The following LAMA5 variants were observed in gnomAD, a reference collection of about 807,000 sequenced individuals.
LAMA5 encodes laminin subunit alpha-5.
A neutral mutation model predicts 433.4 loss-of-function variants in LAMA5; 260 were observed. The ratio of observed to expected loss-of-function variants is 0.60; its 90% CI spans 0.54 to 0.66. The LOEUF (loss-of-function observed/expected upper bound fraction) is 0.66, where lower values mean the gene tolerates loss of function less well. LAMA5 is among the 30% of genes least tolerant of loss of function. The pLI is 0.00. For synonymous variants in LAMA5, 2,620 were observed against 2,226.6 expected, an observed-to-expected ratio of 1.18 and a Z score of -4.97; for missense variants, 5,378 against 5,258.5, an observed-to-expected ratio of 1.02 and a Z score of -0.70.
chr20:62,336,844 G>T, intron 16 of LAMA5, 58 bp from the exon 17 acceptor site: 1 of 1,568,472 alleles, frequency 6.4e-7, no homozygotes, highest in South Asian at 1.1e-5. Flanking sequence ...GAAGGCCAAG[G>T]GTGTCCCAGG....
chr20:62,320,761 T>C lies in LAMA5; in HGVS notation c.6626A>G (p.Asn2209Ser). The change falls in exon 49 of 80, where the codon AAC (asparagine) becomes AGC (serine). Residue 2209 changes from asparagine to serine, a missense_variant. Physicochemically the swap from Asn to Ser is conservative, Grantham distance 46. Coordinates refer to ENST00000252999, the MANE Select transcript of LAMA5 (RefSeq NM_005560.6). ...TACCTGCAGGTCAGCGATGGAGGCGTTCAGCCTGTGCAGACGGGCCCAGGC... is the reference window on the plus strand; with the variant it reads ...TACCTGCAGGTCAGCGATGGAGGCGCTCAGCCTGTGCAGACGGGCCCAGGC... Reference protein sequence around the residue: ...SMAWARLHRLNASIADLQSQL... With the variant: ...SMAWARLHRLSASIADLQSQL... 1 of 1,612,606 alleles carries C rather than the reference T, an allele frequency of 6.2e-7. No individual in the cohort carries two copies. Among genetic ancestry groups the C allele is most frequent in the Non-Finnish European group, 8.5e-7 (1 of 1,179,892 alleles).
rs373306017 is a variant in LAMA5 at position 62,310,315 on chromosome 20, C to T, written c.10601-4G>A. The T allele has an allele frequency of 4.1e-5, 65 of 1,596,326 alleles. No homozygotes were observed. Among genetic ancestry groups the T allele is most frequent in the Admixed American group, 5.1e-5 (3 of 58,940 alleles). Reference sequence around the variant, plus strand: ...GGCAGTGTAGCTCCTGGGAGGTCTGCGGGGAGGGGTTGTGATGGAGAAGAA... The same window carrying T: ...GGCAGTGTAGCTCCTGGGAGGTCTGTGGGGAGGGGTTGTGATGGAGAAGAA... On this transcript the variant is annotated splice_polypyrimidine_tract_variant and splice_region_variant and intron_variant, in intron 76 of 79. Transcript: ENST00000252999.
chr20:62,322,366 G>A lies in LAMA5; in HGVS notation c.6249C>T (p.Pro2083=). 1.3e-6 allele frequency: 2 copies of A among 1,592,986 alleles called. No homozygotes were observed. The highest frequency in any genetic ancestry group is 1.7e-6 in the Non-Finnish European group (2 of 1,171,312). The stretch of plus-strand genomic sequence containing the variant: ...GTCGGCAGTGGCACTGTCCGCTCTG[G>A]GGGTGGCACTCGGAGCCCTCGGCGG... ...GPAAEGSECH[P]QSGQCHCRPG... is the part of the protein sequence containing the mutation. The change falls in exon 47 of 80, where the codon CCC becomes CCT. Residue 2083 remains proline, a synonymous_variant. Transcript: ENST00000252999.
At chr20:62,326,237 A>AAC (rs1336431216) in intron 40 of LAMA5, among the ~76,000 whole-genome samples, 9 of 152,248 alleles carry the variant, frequency 5.9e-5, no homozygotes, top group East Asian at 3.9e-4. Context: ...ACAAACAAAA[A>AAC]AAAAAAAACA....
chr20:62,342,608 G>T (rs1982768426), intron 11 of LAMA5, among the ~76,000 whole-genome samples: 1 of 152,168 alleles, frequency 6.6e-6, no homozygotes, highest in South Asian at 2.1e-4. Flanking sequence ...GAACCTGGAA[G>T]GCAGAGCTTG....
chr20:62,324,138 C>T lies in LAMA5; in HGVS notation c.5710G>A (p.Asp1904Asn). The T allele has an allele frequency of 6.4e-7, 1 of 1,552,852 alleles. No homozygotes were observed. The highest frequency in any genetic ancestry group is 1.2e-5 in the South Asian group (1 of 81,702). The change falls in exon 43 of 80, where the codon GAC (aspartate) becomes AAC (asparagine). Residue 1904 changes from aspartate to asparagine, a missense_variant. Transcript: ENST00000252999. This position sits in a 1 kb window ranked among gnomAD's most constrained non-coding sequence, Gnocchi z 4.4. The part of the protein sequence containing the change: ...RCQAGFVSSR[D>N]DPSAPCVSCP... ...CTGACACAGGGGGCGCTGGGGTCGT[C>T]CCTGCTGCTCACGAAGCCAGCCTGG... is the stretch of plus-strand genomic sequence containing the variant.
Position 62,367,163 on chromosome 20 carries a change from G to T in LAMA5, c.83C>A (p.Ala28Glu). 8.0e-7 allele frequency: 1 copy of T among 1,254,038 alleles called. No homozygotes were observed. The highest frequency in any genetic ancestry group is 1.0e-6 in the Non-Finnish European group (1 of 1,002,942). 77.7% of individuals were successfully genotyped at this position (1,254,038 alleles called of 1,614,324 possible). A position where few individuals can be genotyped will look rare whatever the true frequency, so the allele number is the denominator to read the frequency against. ...CCGCGCCCGCGCCGCGCCCAGCAGC[G>T]CCAGCCCGACCAGCAGCAGCGGCGC... ...GPAPLLLVGLALLGAARAREE... is the reference protein window; with the variant it reads ...GPAPLLLVGLELLGAARAREE... The change falls in exon 1 of 80, where the codon GCG (alanine) becomes GAG (glutamate). Residue 28 changes from alanine (A) to glutamate (E), a missense_variant. Coordinates refer to ENST00000252999, the MANE Select transcript of LAMA5 (RefSeq NM_005560.6).
Position 62,311,182 on chromosome 20 carries a change from G to C in LAMA5, c.10068C>G (p.Ile3356Met). Residue 3356 changes from isoleucine to methionine, a missense_variant, in exon 73 of 80, where the codon ATC becomes ATG. By Grantham distance (10) the Ile-to-Met change is conservative. Transcript: ENST00000252999. ...SLSSHLEFVG[I>M]LARHRNWPSL... Reference sequence around the variant, plus strand: ...CTTACCAGTTCCTATGTCGGGCCAGGATGCCCACAAACTCCAGGTGACTGG... The same window carrying C: ...CTTACCAGTTCCTATGTCGGGCCAGCATGCCCACAAACTCCAGGTGACTGG... The C allele has an allele frequency of 6.2e-7, 1 of 1,604,226 alleles. No individual in the cohort carries two copies. Among genetic ancestry groups the C allele is most frequent in the East Asian group, 2.2e-5 (1 of 44,824 alleles).
intron 57 of LAMA5, 119 bp from the exon 58 acceptor site, chr20:62,316,177 G>A: frequency 1.4e-6 from 1 of 693,468 alleles, no homozygotes; most frequent in Non-Finnish European, 2.5e-6. Context: ...CAGATGGACA[G>A]GGACACTCAG....
Position 62,314,932 on chromosome 20 carries a change from T to G in LAMA5, c.8063A>C (p.Lys2688Thr). 1.2e-6 allele frequency: 2 copies of G among 1,603,006 alleles called. No homozygotes were observed. The highest frequency in any genetic ancestry group is 1.7e-6 in the Non-Finnish European group (2 of 1,177,728). The change falls in exon 60 of 80, where the codon AAG becomes ACG. Residue 2688 changes from lysine to threonine, a missense_variant. Transcript: ENST00000252999. Reference protein sequence around the residue: ...DAGHSVSTLEKTLPQLLAKLS... With the variant: ...DAGHSVSTLETTLPQLLAKLS... ...CTTGGCCAGCAGCTGGGGCAGCGTC[T>G]TCTCCAGGGTGGACACTGCAGAGAG...
intron 6 of LAMA5, 45 bp from the exon 7 acceptor site, chr20:62,347,073 G>A: frequency 6.7e-7 from 1 of 1,492,318 alleles, no homozygotes; most frequent in Non-Finnish European, 9.3e-7. Flanking sequence ...CCTGGAGGCA[G>A]GTGGCAGGTG....
Position 62,315,014 on chromosome 20 carries a change from G to A in LAMA5, c.8047+14C>T. 1 of 1,584,032 alleles carries A rather than the reference G, an allele frequency of 6.3e-7. No homozygotes were observed. Among genetic ancestry groups the A allele is most frequent in the Non-Finnish European group, 8.5e-7 (1 of 1,170,388 alleles). On this transcript the variant is annotated intron_variant, in intron 59 of 79. Transcript: ENST00000252999. ...CCGCCTCCATCAGGGGCACCGCGAG[G>A]GCCATGGGCGCACCTGAGTGGCCTG...
At position 62,316,785 on chromosome 20, in the gene LAMA5, A is replaced by G; in HGVS notation, c.7654-12T>C. 1 of 1,594,006 alleles carries G rather than the reference A, an allele frequency of 6.3e-7. No individual in the cohort carries two copies. The highest frequency in any genetic ancestry group is 8.5e-7 in the Non-Finnish European group (1 of 1,169,846). ...TGCCGCACCACCGTCTGTGGATGCC[A>G]GGGCAGACCGTGGCTCAGACACGCA... On this transcript the variant is annotated splice_polypyrimidine_tract_variant and intron_variant, in intron 56 of 79. Transcript: ENST00000252999.
At chr20:62,318,744 C>T (rs1051301171) in intron 52 of LAMA5, 94 bp from the exon 53 acceptor site, 35 of 1,570,106 alleles carry the variant, frequency 2.2e-5, no homozygotes, top group Middle Eastern at 1.7e-4. Context: ...CCATCTGCCC[C>T]GTGATGCCCA....
chr20:62,343,827 A>G (rs1442844085), intron 11 of LAMA5, among the ~76,000 whole-genome samples: 1 of 148,832 alleles, frequency 6.7e-6, no homozygotes, highest in Non-Finnish European at 1.5e-5. Flanking sequence ...AAGCTTACAG[A>G]GTAGTCAAAG....
In LAMA5 at chr20:62,336,630, G is replaced by A. The variant is rs1981678168; in HGVS notation, c.2217+104C>T. ...GCAGACAGGCCCTGGGGTTGCCATGGCAACTGAGCAGCAGGCAGGAAGCCC... is the reference window on the plus strand; with the variant it reads ...GCAGACAGGCCCTGGGGTTGCCATGACAACTGAGCAGCAGGCAGGAAGCCC... On this transcript the variant is annotated intron_variant, in intron 17 of 79. Coordinates refer to ENST00000252999, the MANE Select transcript of LAMA5 (RefSeq NM_005560.6). 2.9e-6 allele frequency: 4 copies of A among 1,397,908 alleles called. No homozygotes were observed. In the South Asian group the frequency reaches 4.7e-5, roughly 16 times the overall value. 86.6% of individuals were successfully genotyped at this position (1,397,908 alleles called of 1,614,324 possible).
chr20:62,332,336 C>G, intron 28 of LAMA5, 36 bp downstream of exon 28: 1 of 1,430,622 alleles, frequency 7.0e-7, no homozygotes, highest in Non-Finnish European at 9.9e-7. Context: ...CTGAAAGAAG[C>G]TGACCCCTTG....
Position 62,312,399 on chromosome 20 carries a change from CCAG to C in LAMA5, c.9358_9360del (p.Leu3120del). Reference sequence around the variant, plus strand: ...CCCCCAGCCCGGGGAGGGCTGCTCACCAGCAGGTCGGCGGTGCAGCCGGCGCTC... The same window carrying C: ...CCCCCAGCCCGGGGAGGGCTGCTCACCAGGTCGGCGGTGCAGCCGGCGCTC... On this transcript the variant is annotated inframe_deletion and splice_region_variant, in exon 68 of 80. Coordinates refer to ENST00000252999, the MANE Select transcript of LAMA5 (RefSeq NM_005560.6). 6.3e-7 allele frequency: 1 copy of C among 1,598,982 alleles called. No homozygotes were observed. Among genetic ancestry groups the C allele is most frequent in the Non-Finnish European group, 8.5e-7 (1 of 1,179,286 alleles).
In LAMA5 at chr20:62,330,530, A is replaced by AGGTGG; in HGVS notation, c.3932_3936dup (p.Phe1313ProfsTer44). The AGGTGG allele has an allele frequency of 6.3e-7, 1 of 1,577,494 alleles. No individual in the cohort carries two copies. Among genetic ancestry groups the AGGTGG allele is most frequent in the Non-Finnish European group, 8.6e-7 (1 of 1,162,486 alleles). On this transcript the variant is annotated frameshift_variant, in exon 31 of 80. Transcript: ENST00000252999. LOFTEE classifies it high-confidence loss of function. ...GCGTTGATGAGGACTTCCACGGGGA[A>AGGTGG]GGTGGGGTGGGCTGGCTGGTAGCCG...
Sources: gnomAD v4.1 joint callset for allele counts (sites outside exome capture counted in the v4.1 genomes callset) on GRCh38, gnomAD v4.1.1 for gene constraint, Gnocchi (gnomAD v3.1) non-coding constraint, MANE v1.5 for transcripts, NCBI Gene and HGNC (gene_info 2026-07-23, HGNC 2026-07-21) for gene names.